The following FER1L5 variants were observed in gnomAD, a reference collection of about 807,000 sequenced individuals.
The protein encoded by FER1L5 is fer-1-like protein 5.
Under a neutral mutation model 279.9 loss-of-function variants are expected in FER1L5, and 187 were observed. That is an observed-to-expected ratio of 0.67 (90% CI 0.59 to 0.75). The LOEUF is 0.75. FER1L5 is among the 30% of genes least tolerant of loss of function. The pLI is 0.00. For synonymous variants in FER1L5, 921 were observed against 989.7 expected (o/e 0.93, Z 1.30); for missense variants, 2,091 against 2,594.4 (o/e 0.81, Z 4.21).
chr2:96,645,996 C>CTTTTT (rs34639745), intron 1 of FER1L5, among the ~76,000 whole-genome samples: 21 of 72,688 alleles, frequency 2.9e-4, no homozygotes, highest in Non-Finnish European at 3.3e-4. Context: ...TTGAAGTTTT[C>CTTTTT]TTTTTTTTTT....
At chr2:96,651,237 C>T (rs867866312) in intron 6 of FER1L5, among the ~76,000 whole-genome samples, 9 of 128,518 alleles carry the variant, frequency 7.0e-5, no homozygotes, top group African/African-American at 1.8e-4. Flanking sequence ...TTCTTTCTTT[C>T]TCTTTCTTTC....
intron 18 of FER1L5, 105 bp downstream of exon 18, chr2:96,670,352 G>C (rs2292942): frequency 0.032 from 44,491 of 1,411,902 alleles, 1,760 homozygotes; most frequent in African/African-American, 0.17. Context: ...CTGGCCACTG[G>C]CTGTTGAGTG....
intron 14 of FER1L5, among the ~76,000 whole-genome samples, chr2:96,666,383 T>G (rs2076127933): frequency 6.6e-6 from 1 of 151,778 alleles, no homozygotes; most frequent in African/African-American, 2.4e-5. Flanking sequence ...CCTTCCAATG[T>G]CCTTCCTTAA....
chr2:96,656,565 G>T (rs1183542042), intron 9 of FER1L5, among the ~76,000 whole-genome samples: 1 of 152,180 alleles, frequency 6.6e-6, no homozygotes, highest in African/African-American at 2.4e-5. Flanking sequence ...AGATGGTAGA[G>T]GTTGCAGTGA....
chr2:96,663,335 T>C, intron 13 of FER1L5, 104 bp from the exon 14 acceptor site: 1 of 1,054,642 alleles, frequency 9.5e-7, no homozygotes, highest in African/African-American at 1.6e-5. Flanking sequence ...AGCACCTCTG[T>C]GCTGTGGTGT....
Position 96,702,864 on chromosome 2 carries a change from G to A in FER1L5, c.5398-114G>A, listed in dbSNP as rs2077641384. ...CCAGAACATCAGAAACATGTCCTCAGGTGGAAACCCTCTTCCTTGATAGTC... is the reference window on the plus strand; with the variant it reads ...CCAGAACATCAGAAACATGTCCTCAAGTGGAAACCCTCTTCCTTGATAGTC... On this transcript the variant is annotated intron_variant, in intron 48 of 52. Coordinates refer to ENST00000624922, the MANE Select transcript of FER1L5 (RefSeq NM_001293083.2). This position sits in a 1 kb window ranked among gnomAD's most constrained non-coding sequence, Gnocchi z 4.0. 1 of 1,531,734 alleles carries A rather than the reference G, an allele frequency of 6.5e-7. No homozygotes were observed. The highest frequency in any genetic ancestry group is 1.4e-5 in the African/African-American group (1 of 72,764). The allele number at this position is 1,531,734 out of a possible 1,614,324, so 94.9% of individuals were successfully genotyped here.
chr2:96,659,515 A>G (rs1178279787), intron 9 of FER1L5, among the ~76,000 whole-genome samples: 1 of 109,586 alleles, frequency 9.1e-6, no homozygotes, highest in African/African-American at 3.4e-5. Flanking sequence ...CTTTCGAGAC[A>G]GAGTCTCGCT....
Position 96,694,569 on chromosome 2 carries a change from A to C in FER1L5, c.3741+105A>C. 4.4e-6 allele frequency: 4 copies of C among 906,042 alleles called. No individual in the cohort carries two copies. The highest frequency in any genetic ancestry group is 6.2e-6 in the Non-Finnish European group (4 of 641,332). 56.1% of individuals were successfully genotyped at this position (906,042 alleles called of 1,614,324 possible). A position where few individuals can be genotyped will look rare whatever the true frequency, so the allele number is the denominator to read the frequency against. On this transcript the variant is annotated intron_variant, in intron 34 of 52. Coordinates refer to ENST00000624922, the MANE Select transcript of FER1L5 (RefSeq NM_001293083.2). This position sits in a 1 kb window ranked among gnomAD's most constrained non-coding sequence, Gnocchi z 4.6. ...TCCCTGACTACTGGATCCAAAGCTC[A>C]CACCCCGAAAAAGACTACCTGGGAG... is the stretch of plus-strand genomic sequence containing the variant.
intron 1 of FER1L5, 30 bp downstream of exon 1, chr2:96,642,951 A>T (rs2074947466): frequency 1.3e-6 from 2 of 1,534,050 alleles, no homozygotes; most frequent in Non-Finnish European, 1.8e-6. Context: ...CACATGGGAG[A>T]GAGAAGCCCC....
At position 96,698,373 on chromosome 2, in the gene FER1L5, C is replaced by G. The variant is rs962077125; in HGVS notation, c.4356+217C>G. On this transcript the variant is annotated intron_variant, in intron 40 of 52. Coordinates refer to ENST00000624922, the MANE Select transcript of FER1L5 (RefSeq NM_001293083.2). The surrounding 1 kb of genome is among the most constrained non-coding windows in gnomAD (Gnocchi z 5.5). The stretch of plus-strand genomic sequence containing the variant: ...GGCCTATGCTGGCCTCCCAAGGCTG[C>G]AAAGCCACAGAGAACAAGCCCGAAC... Among the ~76,000 whole-genome samples, 1 of 152,188 alleles carries G rather than the reference C, an allele frequency of 6.6e-6. No homozygotes were observed. The highest frequency in any genetic ancestry group is 1.5e-5 in the Non-Finnish European group (1 of 68,026).
At chr2:96,666,058 A>G (rs2076115953) in intron 14 of FER1L5, among the ~76,000 whole-genome samples, 1 of 151,776 alleles carries the variant, frequency 6.6e-6, no homozygotes, top group South Asian at 2.1e-4. Flanking sequence ...GATTGCCTTT[A>G]GCCCTTTGGA....
intron 21 of FER1L5, among the ~76,000 whole-genome samples, chr2:96,685,669 A>C (rs2076894266): frequency 6.6e-6 from 1 of 152,292 alleles, no homozygotes; most frequent in Non-Finnish European, 1.5e-5. Context: ...CTCTTAAGCC[A>C]GCCTGTCCTC....
chr2:96,688,076 C>T lies in FER1L5; in HGVS notation c.2361+129C>T, dbSNP rs373569136. ...GAAGGGAGGGTGTAGCTGCAGTAGC[C>T]CTGCACTGAAGAGGAAGAAAAAATT... On this transcript the variant is annotated intron_variant, in intron 24 of 52. Transcript: ENST00000624922. The T allele has an allele frequency of 2.1e-5, 26 of 1,248,986 alleles. No homozygotes were observed. The African/African-American group carries it at 3.4e-4, about 16-fold the overall frequency. 77.4% of individuals were successfully genotyped at this position (1,248,986 alleles called of 1,614,324 possible). A position where few individuals can be genotyped will look rare whatever the true frequency, so the allele number is the denominator to read the frequency against.
intron 7 of FER1L5, 188 bp downstream of exon 7, chr2:96,652,208 G>C (rs1035515292): frequency 5.2e-6 from 4 of 774,282 alleles, no homozygotes; most frequent in Non-Finnish European, 8.0e-6. Context: ...TGTATCTGAG[G>C]AGCTGGTGGG....
intron 31 of FER1L5, among the ~76,000 whole-genome samples, chr2:96,692,906 G>A (rs1177783629): frequency 3.3e-5 from 5 of 152,098 alleles, no homozygotes; most frequent in South Asian, 2.1e-4. Context: ...AGCTGGGCGC[G>A]GTGACTCACA....
intron 14 of FER1L5, among the ~76,000 whole-genome samples, chr2:96,666,198 A>G (rs1485454014): frequency 6.7e-6 from 1 of 149,480 alleles, no homozygotes; most frequent in Non-Finnish European, 1.5e-5. Flanking sequence ...GGCCTGTACC[A>G]ATGGTCAGTC....
Position 96,668,695 on chromosome 2 carries a change from C to T in FER1L5, c.1141-56C>T, listed in dbSNP as rs377324360. ...TCCCTACCTGTTCTTAAAATCTCCA[C>T]GAGGGCCAGACCATCCCAATGTGTA... On this transcript the variant is annotated intron_variant, in intron 14 of 52. Coordinates refer to ENST00000624922, the MANE Select transcript of FER1L5 (RefSeq NM_001293083.2). The T allele has an allele frequency of 7.0e-5, 108 of 1,545,994 alleles. 1 individual carries two copies. In the East Asian group the frequency reaches 1.5e-3, roughly 22 times the overall value.
chr2:96,698,930 C>G lies in FER1L5; in HGVS notation c.4518+98C>G. The G allele has an allele frequency of 6.5e-7, 1 of 1,528,188 alleles. No homozygotes were observed. Among genetic ancestry groups the G allele is most frequent in the Non-Finnish European group, 8.9e-7 (1 of 1,127,386 alleles). The allele number at this position is 1,528,188 out of a possible 1,614,324, so 94.7% of individuals were successfully genotyped here. A position where few individuals can be genotyped will look rare whatever the true frequency, so the allele number is the denominator to read the frequency against. ...ACTGCTGACACACAGAATGCCAACT[C>G]CCCATAGGCTCCGTGTGGTGCGAGG... On this transcript the variant is annotated intron_variant, in intron 41 of 52. Coordinates refer to ENST00000624922, the MANE Select transcript of FER1L5 (RefSeq NM_001293083.2). The surrounding 1 kb of genome is among the most constrained non-coding windows in gnomAD (Gnocchi z 5.5).
At chr2:96,659,342 C>CTTCCTTCCTTCCTTCTTTCTTTCTTTCT in intron 9 of FER1L5, among the ~76,000 whole-genome samples, 1 of 80,918 alleles carries the variant, frequency 1.2e-5, no homozygotes, top group East Asian at 4.2e-4. Flanking sequence ...TCCTTCCTTC[C>CTTCCTTCCTTCCTTCTTTCTTTCTTTCT]TTCCTTCCTT....
Sources: allele counts gnomAD v4.1 joint callset (sites outside exome capture counted in the v4.1 genomes callset), GRCh38; gene constraint gnomAD v4.1.1; non-coding constraint Gnocchi (gnomAD v3.1); transcripts MANE v1.5; gene names NCBI Gene and HGNC (gene_info 2026-07-23, HGNC 2026-07-21).